The following UST variants were observed in gnomAD, a reference collection of about 807,000 sequenced individuals.
UST encodes the protein uronyl 2-sulfotransferase, also known as chondroitin sulfate 2-O-sulfotransferase.
Under a neutral mutation model 45.6 loss-of-function variants are expected in UST, and 21 were observed. The observed-to-expected ratio is 0.46, with a 90% CI of 0.33 to 0.66. UST has a LOEUF of 0.66. Ranked by LOEUF, UST falls within the 30% of genes least tolerant of loss-of-function variation. The pLI is 0.02. For synonymous variants in UST, 215 were observed against 200.6 expected (o/e 1.07, Z -0.61); for missense variants, 463 against 512.4 (o/e 0.90, Z 0.93).
chr6:148,992,523 A>G (rs952884323), intron 5 of UST, among the ~76,000 whole-genome samples: 1 of 152,112 alleles, frequency 6.6e-6, no homozygotes, highest in African/African-American at 2.4e-5. Context: ...GGGTCTGTGG[A>G]CCTCACTTTG....
intron 7 of UST, among the ~76,000 whole-genome samples, chr6:149,048,420 C>G (rs546736984): frequency 5.9e-5 from 9 of 151,880 alleles, no homozygotes; most frequent in Admixed American, 5.2e-4. Flanking sequence ...CCTGTAATCC[C>G]AGCTACTCAG....
At chr6:148,926,771 C>T (rs1018008203) in intron 2 of UST, among the ~76,000 whole-genome samples, 9 of 152,150 alleles carry the variant, frequency 5.9e-5, no homozygotes, top group African/African-American at 2.2e-4. Context: ...CTATCACTCC[C>T]AACTTCAAGT....
At chr6:148,837,596 T>C (rs1777810039) in intron 1 of UST, among the ~76,000 whole-genome samples, 1 of 152,226 alleles carries the variant, frequency 6.6e-6, no homozygotes, top group Non-Finnish European at 1.5e-5. Flanking sequence ...TGAGGATATG[T>C]ATTCAACAAA....
chr6:148,910,538 G>A, intron 2 of UST, among the ~76,000 whole-genome samples: 1 of 152,058 alleles, frequency 6.6e-6, no homozygotes, highest in East Asian at 1.9e-4. Flanking sequence ...CAGCCCACCT[G>A]TTCTTTAGGT....
At chr6:148,978,660 C>T (rs1028061458) in intron 5 of UST, among the ~76,000 whole-genome samples, 8 of 151,474 alleles carry the variant, frequency 5.3e-5, no homozygotes, top group South Asian at 2.1e-4. Flanking sequence ...CATCACACAC[C>T]GGGGCCTGTC....
chr6:149,058,344 C>CGTGTGTGTGT (rs768018530), intron 7 of UST, among the ~76,000 whole-genome samples: 19 of 126,662 alleles, frequency 1.5e-4, no homozygotes, highest in Non-Finnish European at 2.6e-4. Flanking sequence ...AAAGGAGGAG[C>CGTGTGTGTGT]ATGTGTGTGT....
chr6:148,761,996 G>A (rs545970429), intron 1 of UST, among the ~76,000 whole-genome samples: 1 of 152,284 alleles, frequency 6.6e-6, no homozygotes, highest in South Asian at 2.1e-4. Flanking sequence ...TCTTTATTTT[G>A]TTTTGGCAGA....
At chr6:149,030,659 AT>A (rs138022998) in intron 7 of UST, among the ~76,000 whole-genome samples, 4,750 of 149,508 alleles carry the variant, frequency 0.032, 231 homozygotes, top group African/African-American at 0.11. Context: ...CTCTATAAAG[AT>A]TTTTTTTTTC....
chr6:148,993,069 GA>G (rs1248936931), intron 5 of UST: 1 of 985,296 alleles, frequency 1.0e-6, no homozygotes, highest in African/African-American at 1.7e-5. Context: ...CAAAGGAGGT[GA>G]CATTTGTTTC....
intron 5 of UST, among the ~76,000 whole-genome samples, chr6:148,983,981 A>C (rs958783823): frequency 1.3e-5 from 2 of 152,198 alleles, no homozygotes; most frequent in Admixed American, 1.3e-4. Context: ...CTTTTTTTAA[A>C]AAATTAAACT....
At chr6:148,804,141 A>G (rs1777104231) in intron 1 of UST, among the ~76,000 whole-genome samples, 1 of 152,064 alleles carries the variant, frequency 6.6e-6, no homozygotes, top group South Asian at 2.1e-4. Flanking sequence ...CCTTTTGAAA[A>G]ACTCTTGCAA....
chr6:148,923,372 A>T lies in UST; in HGVS notation c.292-17907A>T, dbSNP rs891282225. On this transcript the variant is annotated intron_variant, in intron 2 of 7. Transcript: ENST00000367463. ...GCTGCCAGACTGTTTTCCAAAGTGG[A>T]TGCACCATTTTACATTCCACCAGCA... Among the ~76,000 whole-genome samples the T allele has an allele frequency of 3.9e-5, 6 of 152,220 alleles. No individual in the cohort carries two copies. The East Asian group carries it at 1.2e-3, about 29-fold the overall frequency.
At chr6:148,872,616 G>C (rs749303352) in intron 1 of UST, among the ~76,000 whole-genome samples, 1 of 152,124 alleles carries the variant, frequency 6.6e-6, no homozygotes, top group Non-Finnish European at 1.5e-5. Context: ...AAATGTAGTG[G>C]CTTAAAATAA....
chr6:148,800,821 T>C (rs990457514), intron 1 of UST, among the ~76,000 whole-genome samples: 1 of 149,050 alleles, frequency 6.7e-6, no homozygotes, highest in Non-Finnish European at 1.5e-5. Context: ...CACGTGGCTC[T>C]GGAGGAATCC....
At chr6:148,784,057 A>AC (rs746412110) in intron 1 of UST, among the ~76,000 whole-genome samples, 20 of 152,148 alleles carry the variant, frequency 1.3e-4, no homozygotes, top group Non-Finnish European at 2.1e-4. Context: ...ACGGCATATC[A>AC]CGAAACCCCA....
At chr6:148,940,245 G>A (rs549249895) in intron 2 of UST, among the ~76,000 whole-genome samples, 5 of 152,168 alleles carry the variant, frequency 3.3e-5, no homozygotes, top group African/African-American at 1.2e-4. Flanking sequence ...CCAGCACTTT[G>A]GGAGGCCGAG....
chr6:148,805,880 T>C (rs1777136198), intron 1 of UST, among the ~76,000 whole-genome samples: 1 of 152,214 alleles, frequency 6.6e-6, no homozygotes, highest in Non-Finnish European at 1.5e-5. Flanking sequence ...AAAAACTTTA[T>C]GGAGCCTGTG....
chr6:148,878,403 T>C, intron 1 of UST, among the ~76,000 whole-genome samples: 1 of 51,192 alleles, frequency 2.0e-5, no homozygotes, highest in African/African-American at 8.5e-5. Flanking sequence ...AGTGCGGAGA[T>C]TGTGTATGAG....
At position 149,074,063 on chromosome 6, in the gene UST, G is replaced by A. The variant is rs368381676; in HGVS notation, c.1168G>A (p.Asp390Asn). The A allele has an allele frequency of 2.0e-5, 32 of 1,614,200 alleles. No homozygotes were observed. The Middle Eastern group carries it at 6.6e-4, about 33-fold the overall frequency. The change falls in exon 8 of 8, where the codon GAC becomes AAC. Residue 390 changes from aspartate (D) to asparagine (N), a missense_variant. By Grantham distance (23) the Asp-to-Asn change is conservative. Coordinates refer to ENST00000367463, the MANE Select transcript of UST (RefSeq NM_005715.3). The stretch of plus-strand genomic sequence containing the variant: ...TCCACTGGAAACCGAGGAGCCAATC[G>A]ACGATGAAGAACAGGATGATGAAAA... The part of the protein sequence containing the change: ...PTPLETEEPI[D>N]DEEQDDEKWL...
Sources: allele counts gnomAD v4.1 joint callset (sites outside exome capture counted in the v4.1 genomes callset), GRCh38; gene constraint gnomAD v4.1.1; transcripts MANE v1.5; gene names NCBI Gene and HGNC (gene_info 2026-07-23, HGNC 2026-07-21).